CACNA1C: variants seen among roughly 807,000 people sequenced by gnomAD.
CACNA1C encodes calcium voltage-gated channel subunit alpha1 C.
A neutral mutation model predicts 229.0 loss-of-function variants in CACNA1C; 30 were observed. The observed-to-expected ratio is 0.13, with a 90% confidence interval of 0.10 to 0.18. The LOEUF (loss-of-function observed/expected upper bound fraction) is 0.18. Ranked by LOEUF, CACNA1C falls within the 10% of genes least tolerant of loss-of-function variation. The probability of loss-of-function intolerance (pLI) is 1.00; values close to 1 mark genes in which losing one functional copy is unlikely to be tolerated. For synonymous variants in CACNA1C, 1,114 were observed against 1,132.5 expected, an observed-to-expected ratio of 0.98 and a Z score of 0.33; for missense variants, 1,658 against 2,845.0, an observed-to-expected ratio of 0.58 and a Z score of 9.49.
Position 2,647,724 on chromosome 12 carries a change from G to A in CACNA1C, c.3913-751G>A, listed in dbSNP as rs536229590. ...GTTTAAATATATGTGGGCAAGGATAGGCTCTGGGGTCAGCAAGGCCTCTGT... is the reference window on the plus strand; with the variant it reads ...GTTTAAATATATGTGGGCAAGGATAAGCTCTGGGGTCAGCAAGGCCTCTGT... On this transcript the variant is annotated intron_variant, in intron 30 of 46. Coordinates refer to ENST00000399655, the MANE Select transcript of CACNA1C (RefSeq NM_000719.7). This position sits in a 1 kb window ranked among gnomAD's most constrained non-coding sequence, Gnocchi z 4.2. 6.6e-6 allele frequency among the ~76,000 whole-genome samples: 1 copy of A among 152,206 alleles called. No homozygotes were observed. The highest frequency in any genetic ancestry group is 1.5e-5 in the Non-Finnish European group (1 of 68,028).
rs757341780 is a variant in CACNA1C, at chr12:2,677,795, C to T, written c.5019C>T (p.Leu1673=). 1.2e-6 allele frequency: 2 copies of T among 1,613,998 alleles called. No individual in the cohort carries two copies. Among genetic ancestry groups the T allele is most frequent in the Non-Finnish European group, 1.7e-6 (2 of 1,179,896 alleles). Residue 1673 remains leucine, a synonymous_variant, in exon 41 of 47, where the codon CTC becomes CTT. Transcript: ENST00000399655. This position sits in a 1 kb window ranked among gnomAD's most constrained non-coding sequence, Gnocchi z 7.4. Reference sequence around the variant, plus strand: ...TCCGACGGGCCATCTCTGGAGATCTCACCGCTGAGGAGGAGCTGGACAAGG... The same window carrying T: ...TCCGACGGGCCATCTCTGGAGATCTTACCGCTGAGGAGGAGCTGGACAAGG... ...PEIRRAISGD[L]TAEEELDKAM...
intron 9 of CACNA1C, among the ~76,000 whole-genome samples, chr12:2,541,252 A>T (rs1035448789): frequency 6.6e-6 from 1 of 152,224 alleles, no homozygotes; most frequent in African/African-American, 2.4e-5. Flanking sequence ...CTCACAGCAG[A>T]TAAGATGAAG....
intron 5 of CACNA1C, among the ~76,000 whole-genome samples, chr12:2,461,852 C>T (rs575071408): frequency 8.5e-5 from 13 of 152,328 alleles, no homozygotes; most frequent in African/African-American, 2.6e-4. Flanking sequence ...CCCTCGCCTC[C>T]GTCCTGGATG....
At chr12:2,064,025 G>A (rs2058470458) in intron 1 of CACNA1C, among the ~76,000 whole-genome samples, 1 of 152,236 alleles carries the variant, frequency 6.6e-6, no homozygotes, top group South Asian at 2.1e-4. Context: ...TATTGTGTCA[G>A]TAGTGAGGGT....
chr12:2,440,010 C>T (rs910022960), intron 3 of CACNA1C, among the ~76,000 whole-genome samples: 2 of 152,184 alleles, frequency 1.3e-5, no homozygotes, highest in Admixed American at 1.3e-4. Context: ...CCTCCCTGCC[C>T]AGCCCTTCTT....
intron 3 of CACNA1C, among the ~76,000 whole-genome samples, chr12:2,244,272 G>T (rs1052417069): frequency 6.6e-6 from 1 of 152,210 alleles, no homozygotes; most frequent in Non-Finnish European, 1.5e-5. Flanking sequence ...GTTGTGGGAC[G>T]TCAGCTGCCT....
rs1230437958 is a variant in CACNA1C at position 2,285,568 on chromosome 12, G to C, written c.478-163408G>C. Among the ~76,000 whole-genome samples the C allele has an allele frequency of 2.0e-5, 3 of 152,124 alleles. No individual in the cohort carries two copies. The highest frequency in any genetic ancestry group is 7.2e-5 in the African/African-American group (3 of 41,422). On this transcript the variant is annotated intron_variant, in intron 3 of 46. Coordinates refer to ENST00000399655, the MANE Select transcript of CACNA1C (RefSeq NM_000719.7). This position sits in a 1 kb window ranked among gnomAD's most constrained non-coding sequence, Gnocchi z 4.2. ...TCTCCTTAAACACCTCCTCATCCCA[G>C]ACGGGTTGACTTTCAATGAGAGGAC...
chr12:2,666,505 A>G lies in CACNA1C; in HGVS notation c.4527-181A>G. 1.9e-6 allele frequency: 1 copy of G among 523,434 alleles called. No individual in the cohort carries two copies. Among genetic ancestry groups the G allele is most frequent in the Non-Finnish European group, 3.4e-6 (1 of 294,018 alleles). The allele number at this position is 523,434 out of a possible 1,614,324, so 32.4% of individuals were successfully genotyped here. ...AAAATCTAAACACGTGTATATGTAT[A>G]TTGGTTTGGGGCTGTGTCATGCAAT... On this transcript the variant is annotated intron_variant, in intron 36 of 46. Transcript: ENST00000399655. The surrounding 1 kb of genome is among the most constrained non-coding windows in gnomAD (Gnocchi z 5.3).
At chr12:2,362,048 C>T (rs921244866) in intron 3 of CACNA1C, among the ~76,000 whole-genome samples, 5 of 152,188 alleles carry the variant, frequency 3.3e-5, no homozygotes, top group African/African-American at 7.2e-5. Flanking sequence ...CATTAGACAT[C>T]GTATGTATTA....
At chr12:2,112,440 CCT>C (rs1565766352) in intron 1 of CACNA1C, among the ~76,000 whole-genome samples, 1 of 78,148 alleles carries the variant, frequency 1.3e-5, no homozygotes, top group Non-Finnish European at 3.1e-5. Flanking sequence ...CCTCCGTGAG[CCT>C]GATGTTCTGT....
intron 30 of CACNA1C, among the ~76,000 whole-genome samples, chr12:2,635,957 GCT>G (rs1568963736): frequency 6.6e-6 from 1 of 152,170 alleles, no homozygotes; most frequent in African/African-American, 2.4e-5. Flanking sequence ...TCCTACTCGT[GCT>G]CTGAGACTCC....
chr12:2,154,129 T>A (rs1025535797), intron 3 of CACNA1C, among the ~76,000 whole-genome samples: 1 of 152,208 alleles, frequency 6.6e-6, no homozygotes, highest in African/African-American at 2.4e-5. Context: ...GGAGTTCTTT[T>A]TCCTCCAGCT....
At position 2,277,960 on chromosome 12, in the gene CACNA1C, G is replaced by A. The variant is rs2089548106; in HGVS notation, c.477+157530G>A. ...CTCATCGTGCTGAGATGGGTTGCAT[G>A]GCACACCACTCTTAGCACAGACTGA... On this transcript the variant is annotated intron_variant, in intron 3 of 46. Transcript: ENST00000399655. Among the ~76,000 whole-genome samples, 3 of 152,358 alleles carry A rather than the reference G, an allele frequency of 2.0e-5. No individual in the cohort carries two copies. The South Asian group carries it at 6.2e-4, about 32-fold the overall frequency.
chr12:2,476,813 A>G (rs1334671695), intron 5 of CACNA1C, among the ~76,000 whole-genome samples: 1 of 152,176 alleles, frequency 6.6e-6, no homozygotes, highest in Non-Finnish European at 1.5e-5. Flanking sequence ...TAATCTGGAA[A>G]GGCTAAATTA....
rs539858794 is a variant in CACNA1C at position 2,504,603 on chromosome 12, G to A, written c.1114-239G>A. 1.3e-4 allele frequency: 132 copies of A among 989,144 alleles called. No individual in the cohort carries two copies. The East Asian group carries it at 2.7e-3, about 20-fold the overall frequency. 61.3% of individuals were successfully genotyped at this position (989,144 alleles called of 1,614,324 possible). A position where few individuals can be genotyped will look rare whatever the true frequency, so the allele number is the denominator to read the frequency against. On this transcript the variant is annotated intron_variant, in intron 7 of 46. Transcript: ENST00000399655. The surrounding 1 kb of genome is among the most constrained non-coding windows in gnomAD (Gnocchi z 6.8). The stretch of plus-strand genomic sequence containing the variant: ...CGAGCAAGGTCTCAGGTTCCACTCC[G>A]TACATGCCCGGGGTCCTCAGGGATG...
Position 2,567,631 on chromosome 12 carries a change from C to T in CACNA1C, c.1732C>T (p.Leu578=), listed in dbSNP as rs2154593424. The change falls in exon 13 of 47, where the codon CTG becomes TTG. Residue 578 remains leucine (L), a synonymous_variant. Transcript: ENST00000399655. The part of the protein sequence containing the change: ...TAEMLLKMYS[L]GLQAYFVSLF... ...AGAGATGCTCCTGAAGATGTACAGCCTGGGCCTGCAGGCCTACTTCGTGTC... is the reference window on the plus strand; with the variant it reads ...AGAGATGCTCCTGAAGATGTACAGCTTGGGCCTGCAGGCCTACTTCGTGTC... 1 of 1,611,916 alleles carries T rather than the reference C, an allele frequency of 6.2e-7. No individual in the cohort carries two copies. Among genetic ancestry groups the T allele is most frequent in the African/African-American group, 1.3e-5 (1 of 75,026 alleles).
At position 2,067,454 on chromosome 12, in the gene CACNA1C, G is replaced by A. The variant is rs1258433276; in HGVS notation, c.49+13843G>A. ...GGACTGTGGACTAGGATGCACGTGT[G>A]TGTGTGTGTGTGTGTGTGTGTGTGT... is the stretch of plus-strand genomic sequence containing the variant. On this transcript the variant is annotated intron_variant, in intron 1 of 46. Coordinates refer to ENST00000399655, the MANE Select transcript of CACNA1C (RefSeq NM_000719.7). The surrounding 1 kb of genome is among the most constrained non-coding windows in gnomAD (Gnocchi z 5.3). 2.6e-4 allele frequency among the ~76,000 whole-genome samples: 18 copies of A among 69,658 alleles called. No homozygotes were observed. The Admixed American group carries it at 3.4e-3, about 13-fold the overall frequency. 45.7% of individuals were successfully genotyped at this position (69,658 alleles called of 152,430 possible).
At chr12:2,100,483 AAAAAAAAAACAAC>A (rs1333776930) in intron 1 of CACNA1C, among the ~76,000 whole-genome samples, 5 of 148,534 alleles carry the variant, frequency 3.4e-5, no homozygotes, top group African/African-American at 1.2e-4. Flanking sequence ...AAAAAAACAA[AAAAAAAAAACAAC>A]AAAAATTGGA....
In CACNA1C at chr12:2,677,886, C is replaced by G. The variant is rs1298438920; in HGVS notation, c.5091+19C>G. On this transcript the variant is annotated intron_variant, in intron 41 of 46. Transcript: ENST00000399655. The surrounding 1 kb of genome is among the most constrained non-coding windows in gnomAD (Gnocchi z 7.4). ...CTTCAGGGTGGGTGGTGCCATGGCGCACTCTCGACCCCTATAAAGTTCAGT... is the reference window on the plus strand; with the variant it reads ...CTTCAGGGTGGGTGGTGCCATGGCGGACTCTCGACCCCTATAAAGTTCAGT... 2.5e-6 allele frequency: 4 copies of G among 1,613,436 alleles called. No homozygotes were observed.
Sources: allele counts gnomAD v4.1 joint callset (sites outside exome capture counted in the v4.1 genomes callset), GRCh38; gene constraint gnomAD v4.1.1; non-coding constraint Gnocchi (gnomAD v3.1); transcripts MANE v1.5; gene names NCBI Gene and HGNC (gene_info 2026-07-23, HGNC 2026-07-21).